Variants in SETD2 observed in about 807,000 individuals in gnomAD.
SETD2 encodes SET domain containing 2, histone lysine methyltransferase.
A neutral mutation model predicts 242.1 loss-of-function variants in SETD2; 31 were observed. That is an observed-to-expected ratio of 0.13 (90% CI 0.10 to 0.17). The LOEUF is 0.17. Ranked by LOEUF, SETD2 falls within the 10% of genes least tolerant of loss-of-function variation. The pLI, the probability that SETD2 is intolerant of heterozygous loss-of-function variation, is 1.00. For missense variants in SETD2, 2,481 were observed against 3,046.3 expected (o/e 0.81, Z 4.37); for synonymous variants, 1,006 against 1,066.5 (o/e 0.94, Z 1.11).
At chr3:47,142,156 T>C (rs2043744483) in intron 1 of SETD2, among the ~76,000 whole-genome samples, 1 of 152,184 alleles carries the variant, frequency 6.6e-6, no homozygotes, top group Admixed American at 6.5e-5. Flanking sequence ...GTACATCCGT[T>C]CAATGTGGTA....
chr3:47,080,839 C>T (rs1001810585), intron 12 of SETD2: 27 of 986,604 alleles, frequency 2.7e-5, no homozygotes, highest in African/African-American at 8.7e-5. Flanking sequence ...TTTCCCGGAA[C>T]GACATCCATT....
intron 9 of SETD2, among the ~76,000 whole-genome samples, chr3:47,097,225 G>C (rs1018761430): frequency 6.6e-6 from 1 of 152,160 alleles, no homozygotes; most frequent in African/African-American, 2.4e-5. Context: ...CAGGTCTAGA[G>C]AGTAGCCCAA....
intron 1 of SETD2, among the ~76,000 whole-genome samples, chr3:47,136,440 G>A (rs889823072): frequency 6.6e-6 from 1 of 152,062 alleles, no homozygotes; most frequent in Non-Finnish European, 1.5e-5. Context: ...ATAATAAAAT[G>A]ACATCTCACA....
At chr3:47,140,634 G>A (rs539368130) in intron 1 of SETD2, among the ~76,000 whole-genome samples, 4 of 152,198 alleles carry the variant, frequency 2.6e-5, no homozygotes, top group Non-Finnish European at 4.4e-5. Context: ...GCCAAGGCGG[G>A]TGGATCACTT....
intron 1 of SETD2, among the ~76,000 whole-genome samples, chr3:47,132,333 A>G (rs2043497850): frequency 6.6e-6 from 1 of 152,012 alleles, no homozygotes; most frequent in Admixed American, 6.6e-5. Context: ...ACAAAACTAC[A>G]AAAACTAGCC....
Position 47,081,917 on chromosome 3 carries a change from G to C in SETD2, c.6060+1803C>G, listed in dbSNP as rs139338304. ...AATCAGGAAAAATCCAAAGTATGAAGGATAAGAAGGATATATTTTAAGTAC... is the reference window on the plus strand; with the variant it reads ...AATCAGGAAAAATCCAAAGTATGAACGATAAGAAGGATATATTTTAAGTAC... On this transcript the variant is annotated intron_variant, in intron 12 of 20. Coordinates refer to ENST00000409792, the MANE Select transcript of SETD2 (RefSeq NM_014159.7). 1.7e-3 allele frequency among the ~76,000 whole-genome samples: 253 copies of C among 152,244 alleles called. 2 individuals are homozygous for C. Among genetic ancestry groups the C allele is most frequent in the African/African-American group, 5.4e-3 (225 of 41,526 alleles).
intron 4 of SETD2, among the ~76,000 whole-genome samples, chr3:47,114,286 T>C (rs953646082): frequency 1.1e-4 from 16 of 152,312 alleles, no homozygotes; most frequent in African/African-American, 3.8e-4. Flanking sequence ...TAGAATACAT[T>C]TTCAGGCTGC....
intron 2 of SETD2, among the ~76,000 whole-genome samples, chr3:47,124,949 G>A (rs1263240199): frequency 6.6e-6 from 1 of 152,118 alleles, no homozygotes; most frequent in Non-Finnish European, 1.5e-5. Flanking sequence ...GTTTGTTCTT[G>A]TGTTCTATCA....
At chr3:47,049,908 C>A (rs1373386548) in intron 15 of SETD2, among the ~76,000 whole-genome samples, 1 of 74,388 alleles carries the variant, frequency 1.3e-5, no homozygotes, top group African/African-American at 6.7e-5. Context: ...TAAACTTATT[C>A]TGAATTTATA....
At chr3:47,119,746 A>C (rs1181259402) in intron 3 of SETD2, 1 of 455,720 alleles carries the variant, frequency 2.2e-6, no homozygotes, top group East Asian at 7.3e-5. Context: ...AGCAGCATGA[A>C]AACGGACTAA....
At chr3:47,089,531 G>A (rs1234635120) in intron 9 of SETD2, among the ~76,000 whole-genome samples, 39 of 152,020 alleles carry the variant, frequency 2.6e-4, no homozygotes, top group Admixed American at 2.6e-3. Flanking sequence ...GCACTAACAA[G>A]GATTTTATAA....
At position 47,120,959 on chromosome 3, in the gene SETD2, G is replaced by A. The variant is rs776766535; in HGVS notation, c.3677C>T (p.Pro1226Leu). The A allele has an allele frequency of 3.3e-5, 54 of 1,614,038 alleles. No individual in the cohort carries two copies. The highest frequency in any genetic ancestry group is 4.4e-5 in the Non-Finnish European group (52 of 1,180,014). Residue 1226 changes from proline (P) to leucine (L), a missense_variant, in exon 3 of 21, where the codon CCA becomes CTA. By Grantham distance (98) the Pro-to-Leu change is moderately conservative. This residue lies in a region of SETD2 where 1,300 missense variants were observed against 1,259.2 expected (regional missense o/e 1.03). Coordinates refer to ENST00000409792, the MANE Select transcript of SETD2 (RefSeq NM_014159.7). Reference protein sequence around the residue: ...SWQQTTFQNRPDSRLGKTELS... With the variant: ...SWQQTTFQNRLDSRLGKTELS... ...TTCTGTTTTTCCCAGTCTACTATCT[G>A]GCCTGTTTTGGAAAGTGGTCTGTTG... is the stretch of plus-strand genomic sequence containing the variant.
chr3:47,147,886 C>T (rs1400977488), intron 1 of SETD2, among the ~76,000 whole-genome samples: 2 of 144,328 alleles, frequency 1.4e-5, no homozygotes, highest in African/African-American at 5.2e-5. Flanking sequence ...CCACTGCACG[C>T]CAGCCTGGGC....
chr3:47,042,746 AT>A, intron 16 of SETD2, 46 bp from the exon 17 acceptor site: 1 of 1,531,514 alleles, frequency 6.5e-7, no homozygotes, highest in Non-Finnish European at 8.8e-7. Flanking sequence ...CTCTCTCTTA[AT>A]CTGGCTGAAT....
At chr3:47,084,797 T>A (rs1450036216) in intron 11 of SETD2, among the ~76,000 whole-genome samples, 1 of 151,682 alleles carries the variant, frequency 6.6e-6, no homozygotes, top group African/African-American at 2.4e-5. Context: ...AATGATGTGA[T>A]CTTGGTCACT....
chr3:47,024,345 G>A (rs982266210), intron 18 of SETD2, among the ~76,000 whole-genome samples: 5 of 152,178 alleles, frequency 3.3e-5, no homozygotes, highest in Non-Finnish European at 5.9e-5. Context: ...GGTGGCAGGC[G>A]CCTGTAATCC....
At chr3:47,138,691 G>C (rs925701066) in intron 1 of SETD2, among the ~76,000 whole-genome samples, 1 of 152,038 alleles carries the variant, frequency 6.6e-6, no homozygotes, top group Non-Finnish European at 1.5e-5. Flanking sequence ...AAAGTGCTAG[G>C]ATTACAGGCG....
chr3:47,065,650 A>G (rs1178863259), intron 13 of SETD2, among the ~76,000 whole-genome samples: 1 of 152,028 alleles, frequency 6.6e-6, no homozygotes, highest in Non-Finnish European at 1.5e-5. Flanking sequence ...AAATAAATAA[A>G]TAAATAACCA....
chr3:47,125,773 T>C (rs1283002630), intron 2 of SETD2, among the ~76,000 whole-genome samples: 1 of 152,246 alleles, frequency 6.6e-6, no homozygotes, highest in Non-Finnish European at 1.5e-5. Context: ...CCTTGGAAGT[T>C]CAAGGCATAA....
Sources: gnomAD v4.1 joint callset for allele counts (sites outside exome capture counted in the v4.1 genomes callset) on GRCh38, gnomAD v4.1.1 for gene constraint, gnomAD v4.1.1 regional missense constraint, MANE v1.5 for transcripts, NCBI Gene and HGNC (gene_info 2026-07-23, HGNC 2026-07-21) for gene names.